Variants in MAML3 observed in about 807,000 individuals in gnomAD.
MAML3 encodes the protein mastermind like transcriptional coactivator 3.
MAML3 carries 27 observed loss-of-function variants against 101.9 expected under a neutral mutation model. The ratio of observed to expected loss-of-function variants is 0.27; its 90% CI spans 0.20 to 0.37. MAML3 has a LOEUF of 0.37. MAML3 is among the 10% of genes least tolerant of loss of function. The probability of loss-of-function intolerance (pLI) is 1.00; values close to 1 mark genes in which losing one functional copy is unlikely to be tolerated. For missense variants in MAML3, 1,316 were observed against 1,444.9 expected (o/e 0.91, Z 1.45); for synonymous variants, 501 against 555.9 (o/e 0.90, Z 1.39).
chr4:140,100,431 A>G (rs1728235889), intron 1 of MAML3, among the ~76,000 whole-genome samples: 1 of 152,232 alleles, frequency 6.6e-6, no homozygotes, highest in Admixed American at 6.5e-5. Context: ...TTGCAAGAAG[A>G]AAATAAAACC....
chr4:139,855,416 T>G (rs940350286), intron 2 of MAML3, among the ~76,000 whole-genome samples: 1 of 152,250 alleles, frequency 6.6e-6, no homozygotes, highest in Admixed American at 6.5e-5. Flanking sequence ...CAGGGATGTT[T>G]TACAGTTAAG....
intron 2 of MAML3, among the ~76,000 whole-genome samples, chr4:139,747,225 G>T (rs571746887): frequency 1.1e-4 from 17 of 152,294 alleles, no homozygotes; most frequent in South Asian, 1.0e-3. Flanking sequence ...CACACCTTCT[G>T]CATCACTGAG....
chr4:139,979,898 A>C (rs926469452), intron 1 of MAML3, among the ~76,000 whole-genome samples: 3 of 152,180 alleles, frequency 2.0e-5, no homozygotes, highest in African/African-American at 7.2e-5. Context: ...AAATGGACTA[A>C]GGCAGTGGTT....
intron 1 of MAML3, among the ~76,000 whole-genome samples, chr4:140,027,053 G>A (rs1438080316): frequency 2.0e-5 from 3 of 151,064 alleles, no homozygotes; most frequent in Non-Finnish European, 2.9e-5. Flanking sequence ...AAGAAAAATA[G>A]TAGAAAAAGG....
Position 139,988,326 on chromosome 4 carries a change from CAAAAAAA to C in MAML3, c.469-97366_469-97360del, listed in dbSNP as rs764018702. 4.8e-3 allele frequency among the ~76,000 whole-genome samples: 391 copies of C among 81,914 alleles called. 1 individual carries two copies. The highest frequency in any genetic ancestry group is 0.015 in the African/African-American group (282 of 18,316). The allele number at this position is 81,914 out of a possible 152,430, so 53.7% of individuals were successfully genotyped here. A position where few individuals can be genotyped will look rare whatever the true frequency, so the allele number is the denominator to read the frequency against. On this transcript the variant is annotated intron_variant, in intron 1 of 4. Coordinates refer to ENST00000509479, the MANE Select transcript of MAML3 (RefSeq NM_018717.5). ...TGGGCGACAGAGTGAGACTCCGTCT[CAAAAAAA>C]AAAAAAAAAAAAAAAAAGAAACAGT...
At chr4:139,782,354 TG>T (rs1372154130) in intron 2 of MAML3, among the ~76,000 whole-genome samples, 1 of 152,050 alleles carries the variant, frequency 6.6e-6, no homozygotes, top group Non-Finnish European at 1.5e-5. Flanking sequence ...TTGGTAAAGA[TG>T]GGGGTCTCAC....
At chr4:140,074,777 G>T (rs564818758) in intron 1 of MAML3, among the ~76,000 whole-genome samples, 1 of 152,308 alleles carries the variant, frequency 6.6e-6, no homozygotes, top group African/African-American at 2.4e-5. Context: ...AACAACCACA[G>T]ATGGCCCACA....
intron 1 of MAML3, among the ~76,000 whole-genome samples, chr4:140,101,460 T>C (rs1364713295): frequency 1.3e-5 from 2 of 152,160 alleles, no homozygotes; most frequent in Non-Finnish European, 2.9e-5. Context: ...TCAGATAAGT[T>C]CAGTTTACCC....
At chr4:139,885,486 G>A (rs955563310) in intron 2 of MAML3, among the ~76,000 whole-genome samples, 1 of 152,048 alleles carries the variant, frequency 6.6e-6, no homozygotes, top group Admixed American at 6.6e-5. Flanking sequence ...TTCTATGCCT[G>A]TAACAAAATA....
intron 1 of MAML3, among the ~76,000 whole-genome samples, chr4:140,108,339 G>A (rs1728386586): frequency 6.6e-6 from 1 of 151,708 alleles, no homozygotes; most frequent in Non-Finnish European, 1.5e-5. Context: ...GTCTATTATG[G>A]CACTTAAGCT....
intron 1 of MAML3, among the ~76,000 whole-genome samples, chr4:140,018,000 A>G (rs1726670565): frequency 6.6e-6 from 1 of 151,976 alleles, no homozygotes; most frequent in East Asian, 1.9e-4. Context: ...TCAAAATAAA[A>G]AGGTTAATTT....
intron 2 of MAML3, among the ~76,000 whole-genome samples, chr4:139,793,123 A>T (rs1346946968): frequency 6.6e-6 from 1 of 152,154 alleles, no homozygotes; most frequent in Non-Finnish European, 1.5e-5. Context: ...ACTTATCCAA[A>T]GAAACGAAAC....
At chr4:140,046,576 T>C (rs1727186202) in intron 1 of MAML3, among the ~76,000 whole-genome samples, 1 of 152,182 alleles carries the variant, frequency 6.6e-6, no homozygotes, top group Non-Finnish European at 1.5e-5. Context: ...ATCTTTCAGG[T>C]TTTCTGGTCT....
intron 1 of MAML3, among the ~76,000 whole-genome samples, chr4:140,092,932 A>G (rs1728086433): frequency 6.6e-6 from 1 of 152,208 alleles, no homozygotes; most frequent in African/African-American, 2.4e-5. Flanking sequence ...AGCAACAGAA[A>G]CTTTAGCAGC....
At chr4:140,015,489 T>C (rs1726627134) in intron 1 of MAML3, among the ~76,000 whole-genome samples, 1 of 152,202 alleles carries the variant, frequency 6.6e-6, no homozygotes, top group South Asian at 2.1e-4. Flanking sequence ...CTTCCTCAAA[T>C]TGATGAAGAG....
At position 139,926,369 on chromosome 4, in the gene MAML3, C is replaced by T. The variant is rs529012095; in HGVS notation, c.469-35402G>A. Among the ~76,000 whole-genome samples the T allele has an allele frequency of 1.2e-3, 185 of 152,242 alleles. 2 individuals carry two copies. Among genetic ancestry groups the T allele is most frequent in the African/African-American group, 4.2e-3 (176 of 41,550 alleles). ...ATCCTAACACTTTGGGAGGCCGAGGCGGGCGGATCACCTGAGGTCAGGAGA... is the reference window on the plus strand; with the variant it reads ...ATCCTAACACTTTGGGAGGCCGAGGTGGGCGGATCACCTGAGGTCAGGAGA... On this transcript the variant is annotated intron_variant, in intron 1 of 4. Coordinates refer to ENST00000509479, the MANE Select transcript of MAML3 (RefSeq NM_018717.5).
intron 1 of MAML3, among the ~76,000 whole-genome samples, chr4:139,994,786 G>T (rs13148756): frequency 0.27 from 39,744 of 149,942 alleles, 6,292 homozygotes; most frequent in Non-Finnish European, 0.37. Flanking sequence ...GCTGGTGGGG[G>T]GTGTGTGTGT....
intron 1 of MAML3, among the ~76,000 whole-genome samples, chr4:139,932,613 C>G (rs897982387): frequency 6.6e-6 from 1 of 152,124 alleles, no homozygotes; most frequent in Admixed American, 6.6e-5. Flanking sequence ...ATCTTTGAAC[C>G]AAGTCTTTGC....
At position 140,048,592 on chromosome 4, in the gene MAML3, C is replaced by G. The variant is rs140244514; in HGVS notation, c.468+104268G>C. Among the ~76,000 whole-genome samples, 4 of 152,322 alleles carry G rather than the reference C, an allele frequency of 2.6e-5. No homozygotes were observed. The East Asian group carries it at 7.7e-4, about 29-fold the overall frequency. On this transcript the variant is annotated intron_variant, in intron 1 of 4. Coordinates refer to ENST00000509479, the MANE Select transcript of MAML3 (RefSeq NM_018717.5). The stretch of plus-strand genomic sequence containing the variant: ...CCATAATTACCCAGGTAACTTGGGT[C>G]TGATGTTGCCAAAAATATCCAGGTA...
Sources: gnomAD v4.1 joint callset for allele counts (sites outside exome capture counted in the v4.1 genomes callset) on GRCh38, gnomAD v4.1.1 for gene constraint, MANE v1.5 for transcripts, NCBI Gene and HGNC (gene_info 2026-07-23, HGNC 2026-07-21) for gene names.